The following TRAPPC9 variants were observed in gnomAD, a reference collection of about 807,000 sequenced individuals.
TRAPPC9 encodes trafficking protein particle complex subunit 9, also known as IKK2 binding protein.
TRAPPC9 carries 83 observed loss-of-function variants against 124.0 expected under a neutral mutation model. That is an observed-to-expected ratio of 0.67 (90% confidence interval 0.56 to 0.80). TRAPPC9 has a LOEUF of 0.80. Among genes scored for constraint, TRAPPC9 ranks in the 30% least tolerant of loss-of-function variants. The probability of loss-of-function intolerance (pLI) is 0.00; values close to 1 mark genes in which losing one functional copy is unlikely to be tolerated. For synonymous variants in TRAPPC9, 638 were observed against 617.5 expected, an observed-to-expected ratio of 1.03 and a Z score of -0.49; for missense variants, 1,302 against 1,508.3, an observed-to-expected ratio of 0.86 and a Z score of 2.27.
intron 17 of TRAPPC9, among the ~76,000 whole-genome samples, chr8:140,219,106 A>C (rs13275618): frequency 0.68 from 103,463 of 152,154 alleles, 35,467 homozygotes; most frequent in Admixed American, 0.74. Context: ...CCAGTGAATG[A>C]AAGAGCACAG....
intron 16 of TRAPPC9, among the ~76,000 whole-genome samples, chr8:140,223,644 T>C: frequency 6.6e-6 from 1 of 152,332 alleles, no homozygotes; most frequent in African/African-American, 2.4e-5. Flanking sequence ...AAAATGTATA[T>C]TTCCAAATTC....
intron 17 of TRAPPC9, among the ~76,000 whole-genome samples, chr8:140,081,051 C>T (rs960254699): frequency 1.3e-5 from 2 of 152,196 alleles, no homozygotes; most frequent in Admixed American, 1.3e-4. Flanking sequence ...GGGAGGCACC[C>T]ACCCTGGCTC....
intron 17 of TRAPPC9, among the ~76,000 whole-genome samples, chr8:140,111,686 A>G (rs1294640441): frequency 6.6e-6 from 1 of 152,246 alleles, no homozygotes; most frequent in African/African-American, 2.4e-5. Context: ...TGAGGACAAC[A>G]TAGAACTTTC....
chr8:140,334,354 T>TCTCCCCTGC (rs2066978201), intron 9 of TRAPPC9, among the ~76,000 whole-genome samples: 1 of 152,016 alleles, frequency 6.6e-6, no homozygotes, highest in African/African-American at 2.4e-5. Context: ...AATGTGAAAT[T>TCTCCCCTGC]AAATCAGTTC....
intron 9 of TRAPPC9, among the ~76,000 whole-genome samples, chr8:140,316,508 A>G (rs796607705): frequency 6.6e-5 from 10 of 152,308 alleles, no homozygotes; most frequent in African/African-American, 2.4e-4. Context: ...TTCTATAGAA[A>G]TGATAATATG....
chr8:140,363,345 T>C (rs1217318315), intron 8 of TRAPPC9, among the ~76,000 whole-genome samples: 1 of 152,224 alleles, frequency 6.6e-6, no homozygotes, highest in Non-Finnish European at 1.5e-5. Flanking sequence ...AGAAAAAGAA[T>C]ACATTTTGGG....
At position 139,729,658 on chromosome 8, in the gene TRAPPC9, C is replaced by T. The variant is rs941098250; in HGVS notation, c.*1403G>A. ...AAAATTTGTTCCTTAGGCCGGAGGC[C>T]ACAGGGTGACCTTGCTCCCAGCGAG... On this transcript the variant is annotated 3_prime_UTR_variant, in exon 23 of 23. Coordinates refer to ENST00000438773, the MANE Select transcript of TRAPPC9 (RefSeq NM_001160372.4). Among the ~76,000 whole-genome samples, 2 of 152,352 alleles carry T rather than the reference C, an allele frequency of 1.3e-5. No individual in the cohort carries two copies. The highest frequency in any genetic ancestry group is 2.9e-5 in the Non-Finnish European group (2 of 68,038).
At chr8:139,868,996 T>C (rs1184559353) in intron 21 of TRAPPC9, among the ~76,000 whole-genome samples, 1 of 151,904 alleles carries the variant, frequency 6.6e-6, no homozygotes, top group Admixed American at 6.6e-5. Context: ...AGGAAGAAAA[T>C]TATCACACAG....
At chr8:140,106,063 C>T (rs2130435630) in intron 17 of TRAPPC9, among the ~76,000 whole-genome samples, 1 of 151,124 alleles carries the variant, frequency 6.6e-6, no homozygotes, top group East Asian at 1.9e-4. Context: ...GTCTGGTGCT[C>T]AGATCAAAAA....
At chr8:139,862,756 G>A (rs932125132) in intron 21 of TRAPPC9, among the ~76,000 whole-genome samples, 2 of 152,242 alleles carry the variant, frequency 1.3e-5, no homozygotes, top group Non-Finnish European at 2.9e-5. Context: ...CACAGAAAGG[G>A]AGGGGAAGCA....
chr8:140,456,016 G>A (rs1157413976), intron 1 of TRAPPC9, among the ~76,000 whole-genome samples: 2 of 152,158 alleles, frequency 1.3e-5, no homozygotes, highest in Non-Finnish European at 2.9e-5. Context: ...GCTGTCGGAG[G>A]GGGGAATGAG....
chr8:140,088,169 G>A (rs1434398558), intron 17 of TRAPPC9, among the ~76,000 whole-genome samples: 1 of 151,982 alleles, frequency 6.6e-6, no homozygotes, highest in East Asian at 1.9e-4. Context: ...TGATTTATTT[G>A]TTCACATTCA....
chr8:140,284,163 A>G (rs1158376324), intron 13 of TRAPPC9, 142 bp from the exon 14 acceptor site: 1 of 1,029,934 alleles, frequency 9.7e-7, no homozygotes, highest in African/African-American at 1.6e-5. Flanking sequence ...GCGCTCACCC[A>G]CACTCCCGCC....
At chr8:139,950,227 C>T (rs1834548663) in intron 19 of TRAPPC9, among the ~76,000 whole-genome samples, 1 of 152,252 alleles carries the variant, frequency 6.6e-6, no homozygotes, top group African/African-American at 2.4e-5. Flanking sequence ...ATGAAGGCAA[C>T]TTTCATCCTC....
Position 139,776,166 on chromosome 8 carries a change from C to T in TRAPPC9, c.3056-43964G>A, listed in dbSNP as rs1821354424. Among the ~76,000 whole-genome samples the T allele has an allele frequency of 6.6e-6, 1 of 152,180 alleles. No individual in the cohort carries two copies. Among genetic ancestry groups the T allele is most frequent in the Non-Finnish European group, 1.5e-5 (1 of 68,036 alleles). On this transcript the variant is annotated intron_variant, in intron 21 of 22. Coordinates refer to ENST00000438773, the MANE Select transcript of TRAPPC9 (RefSeq NM_001160372.4). This position sits in a 1 kb window ranked among gnomAD's most constrained non-coding sequence, Gnocchi z 4.1. ...ACGTGCTAGTCATGGGGGCTTGGGA[C>T]CCAGCCTCAGTCTCTGGGCTCCCCG...
intron 17 of TRAPPC9, among the ~76,000 whole-genome samples, chr8:140,149,680 T>C (rs974909192): frequency 6.6e-5 from 10 of 152,122 alleles, no homozygotes; most frequent in Non-Finnish European, 1.2e-4. Context: ...AATTCCTCAT[T>C]TGTGAAATGA....
At chr8:140,438,816 C>T (rs1038037462) in intron 3 of TRAPPC9, among the ~76,000 whole-genome samples, 1 of 152,160 alleles carries the variant, frequency 6.6e-6, no homozygotes, top group South Asian at 2.1e-4. Context: ...CTCCGCCTCC[C>T]GAGTAGCTGG....
At chr8:140,320,624 C>G (rs1195824723) in intron 9 of TRAPPC9, among the ~76,000 whole-genome samples, 1 of 152,220 alleles carries the variant, frequency 6.6e-6, no homozygotes, top group East Asian at 1.9e-4. Flanking sequence ...AGATAAGTCA[C>G]TCTGCCTCTC....
chr8:140,174,061 G>A (rs763174686), intron 17 of TRAPPC9, among the ~76,000 whole-genome samples: 2 of 152,134 alleles, frequency 1.3e-5, no homozygotes, highest in African/African-American at 4.8e-5. Context: ...GAGTTTGGGG[G>A]GTAAAGGGCA....
Sources: allele counts gnomAD v4.1 joint callset (sites outside exome capture counted in the v4.1 genomes callset), GRCh38; gene constraint gnomAD v4.1.1; non-coding constraint Gnocchi (gnomAD v3.1); transcripts MANE v1.5; gene names NCBI Gene and HGNC (gene_info 2026-07-23, HGNC 2026-07-21).